Variants in TSNAX observed in about 807,000 individuals in gnomAD.
TSNAX encodes translin-associated protein X.
Under a neutral mutation model 33.0 loss-of-function variants are expected in TSNAX, and 12 were observed. The ratio of observed to expected loss-of-function variants is 0.36; its 90% confidence interval spans 0.23 to 0.59. TSNAX has a LOEUF of 0.59. TSNAX is among the 20% of genes least tolerant of loss of function. The probability of loss-of-function intolerance (pLI) is 0.74; values close to 1 mark genes in which losing one functional copy is unlikely to be tolerated. For synonymous variants in TSNAX, 110 were observed against 117.2 expected (o/e 0.94, Z 0.40); for missense variants, 267 against 341.3 (o/e 0.78, Z 1.72).
In TSNAX at chr1:231,566,292, A is replaced by G. The variant is rs1476574389; in HGVS notation, c.*1387A>G. ...AGAATAACAATGGTAATCGTTAGTA[A>G]TATTTAGAATTGGAATTTGCCTACT... is the stretch of plus-strand genomic sequence containing the variant. On this transcript the variant is annotated 3_prime_UTR_variant, in exon 6 of 6. Coordinates refer to ENST00000366639, the MANE Select transcript of TSNAX (RefSeq NM_005999.3). 1.3e-5 allele frequency: 2 copies of G among 152,602 alleles called. No individual in the cohort carries two copies. The highest frequency in any genetic ancestry group is 4.8e-5 in the African/African-American group (2 of 41,450). 9.5% of individuals were successfully genotyped at this position (152,602 alleles called of 1,614,324 possible).
chr1:231,558,382 C>G (rs1338014734), intron 4 of TSNAX, among the ~76,000 whole-genome samples: 1 of 152,084 alleles, frequency 6.6e-6, no homozygotes, highest in Non-Finnish European at 1.5e-5. Flanking sequence ...CACCTAGCAC[C>G]CTGTACTGAC....
At chr1:231,545,387 A>G (rs114820872) in intron 4 of TSNAX, among the ~76,000 whole-genome samples, 131 of 152,348 alleles carry the variant, frequency 8.6e-4, no homozygotes, top group African/African-American at 3.0e-3. Flanking sequence ...TGTGAGCTCA[A>G]ACATTGAGTA....
In TSNAX at chr1:231,542,544, GAT is replaced by G. The variant is rs1558125391; in HGVS notation, c.303_304del (p.Phe102ProfsTer42). On this transcript the variant is annotated frameshift_variant, in exon 4 of 6. Transcript: ENST00000366639. LOFTEE classifies it high-confidence loss of function. ...TTAAATTGGATGGTGTCAGACAAAA[GAT>G]ATTCCAGGTAGCCCAAGAGCTATCA... Reference protein sequence around the residue: ...EIKLDGVRQKIFQVAQELSGE... With the variant: ...EIKLDGVRQKXFQVAQELSGE... The G allele has an allele frequency of 6.2e-7, 1 of 1,614,034 alleles. No homozygotes were observed.
At chr1:231,531,374 A>G (rs188867436) in intron 2 of TSNAX, among the ~76,000 whole-genome samples, 130 of 152,310 alleles carry the variant, frequency 8.5e-4, no homozygotes, top group Non-Finnish European at 1.0e-3. Flanking sequence ...AGTATCTGCT[A>G]TGTTCTCGCA....
chr1:231,564,958 T>C lies in TSNAX; in HGVS notation c.*53T>C. On this transcript the variant is annotated 3_prime_UTR_variant, in exon 6 of 6. Coordinates refer to ENST00000366639, the MANE Select transcript of TSNAX (RefSeq NM_005999.3). ...TTTTGAGAACTCCTAAGAGACCAAT[T>C]TGTAAGACTTATTTAGTATTTCATT... The C allele has an allele frequency of 6.5e-7, 1 of 1,549,404 alleles. No homozygotes were observed. Among genetic ancestry groups the C allele is most frequent in the South Asian group, 1.2e-5 (1 of 80,164 alleles).
Position 231,542,561 on chromosome 1 carries a change from A to G in TSNAX, c.317A>G (p.Gln106Arg), listed in dbSNP as rs1659648026. 4 of 1,614,078 alleles carry G rather than the reference A, an allele frequency of 2.5e-6. No homozygotes were observed. The highest frequency in any genetic ancestry group is 2.5e-6 in the Non-Finnish European group (3 of 1,179,972). ...AGACAAAAGATATTCCAGGTAGCCC[A>G]AGAGCTATCAGGGGAAGATATGCAT... ...GVRQKIFQVA[Q>R]ELSGEDMHQF... is the part of the protein sequence containing the mutation. The change falls in exon 4 of 6, where the codon CAA becomes CGA. Residue 106 changes from glutamine (Q) to arginine (R), a missense_variant. Coordinates refer to ENST00000366639, the MANE Select transcript of TSNAX (RefSeq NM_005999.3).
intron 4 of TSNAX, among the ~76,000 whole-genome samples, chr1:231,550,385 A>G (rs1309134796): frequency 6.6e-6 from 1 of 152,202 alleles, no homozygotes; most frequent in African/African-American, 2.4e-5. Context: ...TAAACCCCCA[A>G]AAAGAGGTGC....
intron 5 of TSNAX, among the ~76,000 whole-genome samples, chr1:231,563,254 T>C (rs966401554): frequency 6.6e-6 from 1 of 152,240 alleles, no homozygotes; most frequent in Non-Finnish European, 1.5e-5. Flanking sequence ...ACATACCGTC[T>C]TTTAATAACA....
chr1:231,554,252 TTTAAC>T (rs201389780), intron 4 of TSNAX, among the ~76,000 whole-genome samples: 1,995 of 152,296 alleles, frequency 0.013, 48 homozygotes, highest in African/African-American at 0.046. Flanking sequence ...TAGAAAGTAT[TTTAAC>T]TTAAGTACAA....
At chr1:231,545,215 G>T (rs1223305941) in intron 4 of TSNAX, among the ~76,000 whole-genome samples, 5 of 152,164 alleles carry the variant, frequency 3.3e-5, no homozygotes, top group African/African-American at 1.2e-4. Flanking sequence ...TGAATAGCTT[G>T]CTGCTTGTAA....
rs1661364385 is a variant in TSNAX at position 231,565,521 on chromosome 1, C to G, written c.*616C>G. 2 of 152,328 alleles carry G rather than the reference C, an allele frequency of 1.3e-5. No homozygotes were observed. Among genetic ancestry groups the G allele is most frequent in the Non-Finnish European group, 1.5e-5 (1 of 68,184 alleles). 9.4% of individuals were successfully genotyped at this position (152,328 alleles called of 1,614,324 possible). ...TAGGCAGATCACGAGGTCAAGAGATCAAGACCAGCCTGACCAACGTGGCGA... is the reference window on the plus strand; with the variant it reads ...TAGGCAGATCACGAGGTCAAGAGATGAAGACCAGCCTGACCAACGTGGCGA... On this transcript the variant is annotated 3_prime_UTR_variant, in exon 6 of 6. Transcript: ENST00000366639.
At chr1:231,543,736 G>A (rs114798016) in intron 4 of TSNAX, among the ~76,000 whole-genome samples, 3,161 of 152,272 alleles carry the variant, frequency 0.021, 114 homozygotes, top group African/African-American at 0.072. Context: ...AACTGAGGGT[G>A]CATTGTTGGA....
chr1:231,551,079 A>G (rs1660265848), intron 4 of TSNAX, among the ~76,000 whole-genome samples: 1 of 152,132 alleles, frequency 6.6e-6, no homozygotes, highest in Admixed American at 6.5e-5. Flanking sequence ...AAAATTTGGG[A>G]TTTATATTTA....
intron 3 of TSNAX, among the ~76,000 whole-genome samples, chr1:231,540,665 G>A (rs1261633958): frequency 3.3e-5 from 5 of 152,116 alleles, no homozygotes; most frequent in East Asian, 1.9e-4. Context: ...TGGTGTTCGC[G>A]TCACTTATTT....
At chr1:231,534,810 C>T (rs2124883705) in intron 2 of TSNAX, 1 of 152,258 alleles carries the variant, frequency 6.6e-6, no homozygotes, top group Non-Finnish European at 1.5e-5. Context: ...TTGTGAACAC[C>T]TGCTGCTAGA....
At chr1:231,559,834 A>G (rs1660931050) in intron 4 of TSNAX, among the ~76,000 whole-genome samples, 1 of 151,374 alleles carries the variant, frequency 6.6e-6, no homozygotes, top group African/African-American at 2.4e-5. Context: ...TTTTTCTTAA[A>G]CTACCAAAGC....
chr1:231,546,689 G>C (rs1381309053), intron 4 of TSNAX, among the ~76,000 whole-genome samples: 2 of 152,352 alleles, frequency 1.3e-5, no homozygotes, highest in East Asian at 3.9e-4. Context: ...TGACGTTGCA[G>C]TGACTTAACA....
chr1:231,545,786 T>C (rs145166459), intron 4 of TSNAX, among the ~76,000 whole-genome samples: 1 of 152,304 alleles, frequency 6.6e-6, no homozygotes, highest in African/African-American at 2.4e-5. Context: ...CCAGTTAAGA[T>C]ATGTTTTTAG....
intron 2 of TSNAX, among the ~76,000 whole-genome samples, chr1:231,529,728 CTTTGT>C (rs1040857376): frequency 6.6e-6 from 1 of 152,176 alleles, no homozygotes; most frequent in African/African-American, 2.4e-5. Context: ...GGGACGGTAT[CTTTGT>C]TTTAACTGTA....
Sources: allele counts gnomAD v4.1 joint callset (sites outside exome capture counted in the v4.1 genomes callset), GRCh38; gene constraint gnomAD v4.1.1; transcripts MANE v1.5; gene names NCBI Gene and HGNC (gene_info 2026-07-23, HGNC 2026-07-21).